TUB: variants seen among roughly 807,000 people sequenced by gnomAD.
The protein encoded by TUB is tubby protein homolog.
TUB carries 33 observed loss-of-function variants against 59.7 expected under a neutral mutation model. The observed-to-expected ratio is 0.55, with a 90% CI of 0.42 to 0.74. The LOEUF (loss-of-function observed/expected upper bound fraction) is 0.74, where lower values mean the gene tolerates loss of function less well. Among genes scored for constraint, TUB ranks in the 30% least tolerant of loss-of-function variants. The pLI is 0.00. For synonymous variants in TUB, 293 were observed against 256.4 expected (o/e 1.14, Z -1.36); for missense variants, 659 against 672.0 (o/e 0.98, Z 0.21).
intron 10 of TUB, 40 bp downstream of exon 10, chr11:8,100,641 C>T (rs1178187758): frequency 1.3e-6 from 2 of 1,590,952 alleles, no homozygotes; most frequent in African/African-American, 1.3e-5. Flanking sequence ...CCCCATCATC[C>T]TAGTCTCTGC....
intron 1 of TUB, among the ~76,000 whole-genome samples, chr11:8,022,447 G>A (rs936598658): frequency 6.6e-6 from 1 of 152,086 alleles, no homozygotes; most frequent in Non-Finnish European, 1.5e-5. Flanking sequence ...TTTGAACCTG[G>A]CAAACACCTT....
At chr11:8,056,104 T>C (rs1589937069) in intron 2 of TUB, among the ~76,000 whole-genome samples, 2 of 152,186 alleles carry the variant, frequency 1.3e-5, no homozygotes, top group Admixed American at 1.3e-4. Context: ...GACACAGAGG[T>C]GTTTAGCCAA....
upstream of TUB, chr11:8,035,512 CTCTT>C (rs1441458871): frequency 6.6e-6 from 1 of 152,386 alleles, no homozygotes; most frequent in Non-Finnish European, 1.5e-5. Context: ...CTCAGCTTCT[CTCTT>C]CGCAGGTGCC....
chr11:8,100,839 T>G lies in TUB; in HGVS notation c.1229T>G (p.Leu410Arg), dbSNP rs758201603. 6.2e-7 allele frequency: 1 copy of G among 1,614,074 alleles called. No homozygotes were observed. The highest frequency in any genetic ancestry group is 2.2e-5 in the East Asian group (1 of 44,872). Residue 410 changes from leucine (L) to arginine (R), a missense_variant, in exon 11 of 12, where the codon CTG becomes CGG. Physicochemically the swap from Leu to Arg is moderately radical, Grantham distance 102. Coordinates refer to ENST00000299506, the MANE Select transcript of TUB (RefSeq NM_177972.3). Reference protein sequence around the residue: ...SIRPRNEHETLLARWQNKNTE... With the variant: ...SIRPRNEHETRLARWQNKNTE... ...CTGCCCTCCCAGGAGCATGAGACAC[T>G]GCTAGCACGCTGGCAGAATAAGAAC...
chr11:8,061,593 C>T (rs561740714), intron 2 of TUB, among the ~76,000 whole-genome samples: 1 of 152,212 alleles, frequency 6.6e-6, no homozygotes, highest in Non-Finnish European at 1.5e-5. Flanking sequence ...AGGACGAGGA[C>T]AGTCGGCTCA....
Position 8,101,945 on chromosome 11 carries a change from G to C in TUB, c.*326G>C, listed in dbSNP as rs970834362. 8.6e-6 allele frequency: 3 copies of C among 347,324 alleles called. No homozygotes were observed. The highest frequency in any genetic ancestry group is 1.6e-5 in the Non-Finnish European group (3 of 187,734). The allele number at this position is 347,324 out of a possible 1,614,324, so 21.5% of individuals were successfully genotyped here. On this transcript the variant is annotated 3_prime_UTR_variant, in exon 12 of 12. Coordinates refer to ENST00000299506, the MANE Select transcript of TUB (RefSeq NM_177972.3). ...CTGAGCAACCTCTTCAGCTGGGAAG[G>C]CCGCAAGAGGCATAGAGGGAGAGGA... is the stretch of plus-strand genomic sequence containing the variant.
intron 1 of TUB, among the ~76,000 whole-genome samples, chr11:8,023,581 C>G (rs1362300591): frequency 6.6e-6 from 1 of 152,184 alleles, no homozygotes. Context: ...CTCTAAATGC[C>G]TGTAGACGTC....
Position 8,092,220 on chromosome 11 carries a change from T to C in TUB, c.254-1826T>C, listed in dbSNP as rs562576243. On this transcript the variant is annotated intron_variant, in intron 3 of 11. Coordinates refer to ENST00000299506, the MANE Select transcript of TUB (RefSeq NM_177972.3). ...ACTTTGGGAGGCCAAGGCAGGAGGA[T>C]TGCTTGAGGGCGGAAGTTCAGGACT... Among the ~76,000 whole-genome samples, 22 of 152,136 alleles carry C rather than the reference T, an allele frequency of 1.4e-4. No individual in the cohort carries two copies. In the South Asian group the frequency reaches 2.9e-3, roughly 20 times the overall value.
rs547392395 is a variant in TUB at position 8,105,904 on chromosome 11, G to A, written c.*4285G>A. 8 of 152,042 alleles carry A rather than the reference G, an allele frequency of 5.3e-5. No homozygotes were observed. The highest frequency in any genetic ancestry group is 3.9e-4 in the East Asian group (2 of 5,174). 9.4% of individuals were successfully genotyped at this position (152,042 alleles called of 1,614,324 possible). ...CTAGGAAAGGGAAGCCTGACTGCTC[G>A]GTCAGGAGGGTGCAGTATCTCTTGC... On this transcript the variant is annotated 3_prime_UTR_variant, in exon 12 of 12. Coordinates refer to ENST00000299506, the MANE Select transcript of TUB (RefSeq NM_177972.3).
At chr11:8,059,551 C>T (rs1943082653) in intron 2 of TUB, among the ~76,000 whole-genome samples, 1 of 151,970 alleles carries the variant, frequency 6.6e-6, no homozygotes, top group Admixed American at 6.6e-5. Context: ...CCCAAGGGCA[C>T]ACTGGGAAAA....
chr11:8,022,296 A>G (rs1037700377), intron 1 of TUB, among the ~76,000 whole-genome samples: 1 of 152,244 alleles, frequency 6.6e-6, no homozygotes, highest in African/African-American at 2.4e-5. Context: ...CACAAGCAAC[A>G]CATACATTGG....
intron 1 of TUB, among the ~76,000 whole-genome samples, chr11:8,031,860 G>A (rs34812123): frequency 0.31 from 47,577 of 152,092 alleles, 7,852 homozygotes; most frequent in East Asian, 0.51. Context: ...GCCTCTGCTC[G>A]GGCCCTGGGT....
chr11:8,038,666 G>T, exon 1 of TUB: 2 of 1,372,522 alleles, frequency 1.5e-6, no homozygotes, highest in Non-Finnish European at 9.4e-7. Flanking sequence ...AAGGGTTTGG[G>T]GGGAGACTGC....
chr11:8,101,724 T>C lies in TUB; in HGVS notation c.*105T>C. On this transcript the variant is annotated 3_prime_UTR_variant, in exon 12 of 12. Transcript: ENST00000299506. ...CTCTGTATATAGGCCTTCCGCCAGATGAAGCTTTGGCCCTCAGTGGGCTCC... is the reference window on the plus strand; with the variant it reads ...CTCTGTATATAGGCCTTCCGCCAGACGAAGCTTTGGCCCTCAGTGGGCTCC... 6.8e-7 allele frequency: 1 copy of C among 1,471,152 alleles called. No individual in the cohort carries two copies. Among genetic ancestry groups the C allele is most frequent in the East Asian group, 2.5e-5 (1 of 40,216 alleles). The allele number at this position is 1,471,152 out of a possible 1,614,324, so 91.1% of individuals were successfully genotyped here.
intron 1 of TUB, among the ~76,000 whole-genome samples, chr11:8,032,780 A>G (rs915994178): frequency 6.6e-6 from 1 of 152,164 alleles, no homozygotes; most frequent in African/African-American, 2.4e-5. Flanking sequence ...TCCTCTGGCA[A>G]GAGAGGAAAT....
chr11:8,057,923 T>C (rs1484980167), intron 2 of TUB, among the ~76,000 whole-genome samples: 1 of 152,126 alleles, frequency 6.6e-6, no homozygotes, highest in Non-Finnish European at 1.5e-5. Flanking sequence ...ACAGTTGTTA[T>C]GGAGGCCTGT....
chr11:8,030,409 G>T (rs903548268), intron 1 of TUB, among the ~76,000 whole-genome samples: 1 of 152,132 alleles, frequency 6.6e-6, no homozygotes, highest in Non-Finnish European at 1.5e-5. Flanking sequence ...CATGTGCTTG[G>T]GGGAGATTCA....
intron 2 of TUB, among the ~76,000 whole-genome samples, chr11:8,041,932 C>A (rs1942757894): frequency 6.6e-6 from 1 of 152,276 alleles, no homozygotes; most frequent in East Asian, 1.9e-4. Context: ...GTGACCTGGG[C>A]CTGCTCCAAT....
chr11:8,063,595 C>G (rs1464008796), intron 2 of TUB, among the ~76,000 whole-genome samples: 5 of 152,188 alleles, frequency 3.3e-5, no homozygotes, highest in African/African-American at 1.2e-4. Context: ...TTGCTTTAGT[C>G]AATCCCCAAG....
Sources: gnomAD v4.1 joint callset for allele counts (sites outside exome capture counted in the v4.1 genomes callset) on GRCh38, gnomAD v4.1.1 for gene constraint, MANE v1.5 for transcripts, NCBI Gene and HGNC (gene_info 2026-07-23, HGNC 2026-07-21) for gene names.